The following SHKBP1 variants were observed in gnomAD, a reference collection of about 807,000 sequenced individuals.
SHKBP1 encodes the protein SH3KBP1-binding protein 1.
A neutral mutation model predicts 83.9 loss-of-function variants in SHKBP1; 71 were observed. The ratio of observed to expected loss-of-function variants is 0.85; its 90% CI spans 0.70 to 1.03. SHKBP1 has a LOEUF of 1.03. Among genes scored for constraint, SHKBP1 ranks in the 50% least tolerant of loss-of-function variants. The pLI is 0.00. For missense variants in SHKBP1, 824 were observed against 982.4 expected (o/e 0.84, Z 2.16); for synonymous variants, 371 against 398.0 (o/e 0.93, Z 0.81).
Position 40,576,878 on chromosome 19 carries a change from C to T in SHKBP1, c.-22C>T. The T allele has an allele frequency of 1.4e-6, 2 of 1,426,760 alleles. No individual in the cohort carries two copies. Among genetic ancestry groups the T allele is most frequent in the Non-Finnish European group, 1.8e-6 (2 of 1,081,610 alleles). The allele number at this position is 1,426,760 out of a possible 1,614,324, so 88.4% of individuals were successfully genotyped here. A position where few individuals can be genotyped will look rare whatever the true frequency, so the allele number is the denominator to read the frequency against. On this transcript the variant is annotated 5_prime_UTR_variant, in exon 1 of 18. Transcript: ENST00000291842. ...GTGCACACCCGGAAGTGGGTGCGGG[C>T]CAGCCGGCTCGCCCGGGGGCCATGG...
chr19:40,585,246 C>T (rs1278733940), intron 12 of SHKBP1, among the ~76,000 whole-genome samples: 1 of 152,112 alleles, frequency 6.6e-6, no homozygotes, highest in Admixed American at 6.6e-5. Flanking sequence ...AGCAGAACCA[C>T]AGGCATGCAT....
chr19:40,585,199 C>T (rs1426615839), intron 12 of SHKBP1, among the ~76,000 whole-genome samples: 3 of 152,134 alleles, frequency 2.0e-5, no homozygotes, highest in East Asian at 1.9e-4. Flanking sequence ...CTCCGCCACT[C>T]GGGCTCAAGC....
chr19:40,584,568 T>C (rs1270846525), intron 12 of SHKBP1, among the ~76,000 whole-genome samples: 1 of 152,204 alleles, frequency 6.6e-6, no homozygotes, highest in Non-Finnish European at 1.5e-5. Flanking sequence ...CCCCCTGATC[T>C]TTAGCAGTAA....
chr19:40,587,232 G>T (rs1400495328), intron 13 of SHKBP1, among the ~76,000 whole-genome samples: 1 of 152,130 alleles, frequency 6.6e-6, no homozygotes, highest in Non-Finnish European at 1.5e-5. Flanking sequence ...AACAAGACAG[G>T]CCAAGTCCCT....
At chr19:40,585,056 T>A (rs1452252041) in intron 12 of SHKBP1, among the ~76,000 whole-genome samples, 1 of 152,162 alleles carries the variant, frequency 6.6e-6, no homozygotes, top group African/African-American at 2.4e-5. Context: ...TACATGGAAG[T>A]CTGTTCTATC....
At chr19:40,587,729 T>G (rs1174573801) in intron 13 of SHKBP1, among the ~76,000 whole-genome samples, 1 of 152,086 alleles carries the variant, frequency 6.6e-6, no homozygotes, top group African/African-American at 2.4e-5. Context: ...AGTGAGACAT[T>G]GTTTCTACAA....
intron 4 of SHKBP1, 198 bp from the exon 5 acceptor site, chr19:40,577,948 TACACACAC>T (rs58880858): frequency 0.019 from 10,631 of 564,798 alleles, 10 homozygotes; most frequent in Middle Eastern, 0.028. Context: ...GATTTCTCCC[TACACACAC>T]ACACACACAC....
In SHKBP1 at chr19:40,591,259, G is replaced by GGAGGCACC; in HGVS notation, c.*52_*53insGAGGCACC. On this transcript the variant is annotated 3_prime_UTR_variant, in exon 18 of 18. Coordinates refer to ENST00000291842, the MANE Select transcript of SHKBP1 (RefSeq NM_138392.4). ...GATGCCCTGGTCCTGGGGGACTCAG[G>GGAGGCACC]TGCCTCCCTGATTCCTGTGGGAACC... The GGAGGCACC allele has an allele frequency of 6.8e-7, 1 of 1,472,596 alleles. No individual in the cohort carries two copies. Among genetic ancestry groups the GGAGGCACC allele is most frequent in the Non-Finnish European group, 9.1e-7 (1 of 1,094,430 alleles). 91.2% of individuals were successfully genotyped at this position (1,472,596 alleles called of 1,614,324 possible).
In SHKBP1 at chr19:40,580,879, A is replaced by G; in HGVS notation, c.787A>G (p.Thr263Ala). Residue 263 changes from threonine (T) to alanine (A), a missense_variant, in exon 9 of 18, where the codon ACC (threonine) becomes GCC (alanine). This residue lies in a region of SHKBP1 where 355 missense variants were observed against 386.4 expected (regional missense o/e 0.92). Coordinates refer to ENST00000291842, the MANE Select transcript of SHKBP1 (RefSeq NM_138392.4). The part of the protein sequence containing the change: ...GEHDKMVAAA[T>A]GSEILLWALQ... ...ACATGACAAGATGGTGGCAGCAGCC[A>G]CCGGCAGCGAGATCCTGCTATGGGC... 1 of 1,611,370 alleles carries G rather than the reference A, an allele frequency of 6.2e-7. No homozygotes were observed. Among genetic ancestry groups the G allele is most frequent in the South Asian group, 1.1e-5 (1 of 90,766 alleles).
intron 1 of SHKBP1, 101 bp downstream of exon 1, chr19:40,577,086 C>A: frequency 1.6e-6 from 2 of 1,255,690 alleles, no homozygotes; most frequent in East Asian, 2.5e-5. Context: ...AGGGTTGCTC[C>A]GCCCCCCCCC....
intron 6 of SHKBP1, chr19:40,580,031 C>CA (rs35620022): frequency 0.13 from 8,058 of 63,070 alleles, 449 homozygotes; most frequent in African/African-American, 0.18. Context: ...AACTCCAACT[C>CA]AAAAAAAAAA....
chr19:40,591,120 G>T lies in SHKBP1; in HGVS notation c.2037G>T (p.Arg679=). 1.2e-6 allele frequency: 2 copies of T among 1,608,912 alleles called. No individual in the cohort carries two copies. The highest frequency in any genetic ancestry group is 1.7e-6 in the Non-Finnish European group (2 of 1,175,886). The change falls in exon 18 of 18, where the codon CGG becomes CGT. Residue 679 remains arginine (R), a synonymous_variant. Coordinates refer to ENST00000291842, the MANE Select transcript of SHKBP1 (RefSeq NM_138392.4). ...ELVRSGPDLR[R]PPTPAPWPSS... ...TGCGGAGTGGGCCAGACCTCCGACG[G>T]CCACCCACACCAGCCCCGTGGCCCT...
At chr19:40,587,074 TG>T in intron 13 of SHKBP1, 130 bp downstream of exon 13, 1 of 829,402 alleles carries the variant, frequency 1.2e-6, no homozygotes. Flanking sequence ...AGGATTGACC[TG>T]GGATGGGACT....
intron 9 of SHKBP1, 123 bp from the exon 10 acceptor site, chr19:40,582,228 G>A (rs1304540521): frequency 1.3e-6 from 1 of 792,832 alleles, no homozygotes; most frequent in Non-Finnish European, 2.2e-6. Context: ...AGCCCCTGAT[G>A]GAATCTTCTA....
rs147273963 is a variant in SHKBP1 at position 40,589,791 on chromosome 19, C to T, written c.1590-453C>T. On this transcript the variant is annotated intron_variant, in intron 15 of 17. Coordinates refer to ENST00000291842, the MANE Select transcript of SHKBP1 (RefSeq NM_138392.4). ...CAAATAGGGTCACATGGGAAGGACACGTGGGCTCCTGGGCTGGAGCACAGA... is the reference window on the plus strand; with the variant it reads ...CAAATAGGGTCACATGGGAAGGACATGTGGGCTCCTGGGCTGGAGCACAGA... Among the ~76,000 whole-genome samples, 494 of 152,110 alleles carry T rather than the reference C, an allele frequency of 3.2e-3. 2 individuals are homozygous for T. The highest frequency in any genetic ancestry group is 0.012 in the African/African-American group (485 of 41,478).
chr19:40,591,349 C>T lies in SHKBP1; in HGVS notation c.*142C>T, dbSNP rs2081359299. The T allele has an allele frequency of 1.5e-6, 1 of 683,460 alleles. No homozygotes were observed. The highest frequency in any genetic ancestry group is 1.8e-5 in the African/African-American group (1 of 54,528). 42.3% of individuals were successfully genotyped at this position (683,460 alleles called of 1,614,324 possible). On this transcript the variant is annotated 3_prime_UTR_variant, in exon 18 of 18. Transcript: ENST00000291842. ...TTGTTACTAGGTCCCCACCTTCCCT[C>T]TTTTCTGGAAGCCAAAGTCACCCTC... is the stretch of plus-strand genomic sequence containing the variant.
In SHKBP1 at chr19:40,582,449, G is replaced by A. The variant is rs376299310; in HGVS notation, c.943G>A (p.Val315Ile). The change falls in exon 10 of 18, where the codon GTC becomes ATC. Residue 315 changes from valine to isoleucine, a missense_variant. Coordinates refer to ENST00000291842, the MANE Select transcript of SHKBP1 (RefSeq NM_138392.4). ...HTGRIGVWNA[V>I]TKHWQVQEVQ... The stretch of plus-strand genomic sequence containing the variant: ...AGGGCGCATCGGGGTGTGGAATGCC[G>A]TCACCAAGCACTGGCAGGTCAGAGT... The A allele has an allele frequency of 2.7e-5, 43 of 1,613,886 alleles. No individual in the cohort carries two copies. The highest frequency in any genetic ancestry group is 3.1e-5 in the Non-Finnish European group (36 of 1,179,972).
intron 5 of SHKBP1, 81 bp downstream of exon 5, chr19:40,578,293 T>A: frequency 6.6e-7 from 1 of 1,519,758 alleles, no homozygotes; most frequent in South Asian, 1.1e-5. Context: ...TCCCCTTCTC[T>A]CCTGAAAGAG....
In SHKBP1 at chr19:40,583,468, G is replaced by A. The variant is rs1312826006; in HGVS notation, c.1031G>A (p.Gly344Asp). 5 of 1,611,408 alleles carry A rather than the reference G, an allele frequency of 3.1e-6. No homozygotes were observed. Among genetic ancestry groups the A allele is most frequent in the Non-Finnish European group, 4.2e-6 (5 of 1,178,908 alleles). Residue 344 changes from glycine (G) to aspartate (D), a missense_variant, in exon 11 of 18, where the codon GGC (glycine) becomes GAC (aspartate). Around this residue, in one of 3 missense-constraint regions of SHKBP1, gnomAD observed 182 missense variants for 273.1 expected, o/e 0.67. Coordinates refer to ENST00000291842, the MANE Select transcript of SHKBP1 (RefSeq NM_138392.4). Reference protein sequence around the residue: ...GSFLLLGCNNGSIYYVDVQKF... With the variant: ...GSFLLLGCNNDSIYYVDVQKF... The stretch of plus-strand genomic sequence containing the variant: ...TTCCTCCTCCTGGGCTGCAACAACG[G>A]CTCCATTTACTACGTGGGTGAGCAG...
Sources: allele counts gnomAD v4.1 joint callset (sites outside exome capture counted in the v4.1 genomes callset), GRCh38; gene constraint gnomAD v4.1.1; regional missense constraint gnomAD v4.1.1; transcripts MANE v1.5; gene names NCBI Gene and HGNC (gene_info 2026-07-23, HGNC 2026-07-21).